The following LTBP1 variants were observed in gnomAD, a reference collection of about 807,000 sequenced individuals.
LTBP1 encodes latent transforming growth factor beta binding protein 1.
Under a neutral mutation model 207.6 loss-of-function variants are expected in LTBP1, and 129 were observed. The observed-to-expected ratio is 0.62, with a 90% CI of 0.54 to 0.72. LTBP1 has a LOEUF of 0.72. Among genes scored for constraint, LTBP1 ranks in the 30% least tolerant of loss-of-function variants. LTBP1 has a pLI of 0.00. For missense variants in LTBP1, 2,281 were observed against 2,217.2 expected, an observed-to-expected ratio of 1.03 and a Z score of -0.58; for synonymous variants, 963 against 833.7, an observed-to-expected ratio of 1.16 and a Z score of -2.67.
At chr2:33,370,090 A>G (rs1232563928) in intron 31 of LTBP1, among the ~76,000 whole-genome samples, 1 of 117,486 alleles carries the variant, frequency 8.5e-6, no homozygotes, top group Non-Finnish European at 1.9e-5. Context: ...TGTGAAAATA[A>G]TATCTGCCTT....
At chr2:33,044,899 T>G (rs961619415) in intron 3 of LTBP1, among the ~76,000 whole-genome samples, 1 of 152,326 alleles carries the variant, frequency 6.6e-6, no homozygotes, top group East Asian at 1.9e-4. Flanking sequence ...GTTGGCCGCA[T>G]GAATGTCTTC....
chr2:33,115,127 TACACAC>T lies in LTBP1; in HGVS notation c.1033+4386_1033+4391del, dbSNP rs59790199. Among the ~76,000 whole-genome samples, 268 of 150,922 alleles carry T rather than the reference TACACAC, an allele frequency of 1.8e-3. 2 individuals are homozygous for T. Among genetic ancestry groups the T allele is most frequent in the Middle Eastern group, 0.01 (3 of 294 alleles). ...ATGTACACACACACACACATATATA[TACACAC>T]ACACACACAATGTAGGAGTATTACT... On this transcript the variant is annotated intron_variant, in intron 4 of 33. Coordinates refer to ENST00000404816, the MANE Select transcript of LTBP1 (RefSeq NM_206943.4).
chr2:33,084,598 A>T (rs1332762960), intron 3 of LTBP1, among the ~76,000 whole-genome samples: 1 of 152,196 alleles, frequency 6.6e-6, no homozygotes. Context: ...TACATCCCTT[A>T]CAGTCCGTCT....
chr2:33,201,237 A>G lies in LTBP1; in HGVS notation c.1701+12386A>G, dbSNP rs1348220792. ...GACTTGGAACCAACCCAAATGGCCAACAATGATAGACTGGATTAAGAAAAT... is the reference window on the plus strand; with the variant it reads ...GACTTGGAACCAACCCAAATGGCCAGCAATGATAGACTGGATTAAGAAAAT... On this transcript the variant is annotated intron_variant, in intron 7 of 33. Transcript: ENST00000404816. 2.6e-5 allele frequency among the ~76,000 whole-genome samples: 4 copies of G among 152,322 alleles called. No individual in the cohort carries two copies. The South Asian group carries it at 8.3e-4, about 32-fold the overall frequency.
At chr2:33,150,984 T>C (rs146766677) in intron 5 of LTBP1, among the ~76,000 whole-genome samples, 2,332 of 151,754 alleles carry the variant, frequency 0.015, 23 homozygotes, top group East Asian at 0.027. Flanking sequence ...AAGTGATCCA[T>C]CTGCCTCAGC....
rs761056477 is a variant in LTBP1, at chr2:33,293,165, G to C, written c.3118G>C (p.Asp1040His). The change falls in exon 20 of 34, where the codon GAC (aspartate) becomes CAC (histidine). Residue 1040 changes from aspartate (D) to histidine (H), a missense_variant. Physicochemically the swap from Asp to His is moderately conservative, Grantham distance 81. Around this residue, in one of 3 missense-constraint regions of LTBP1, gnomAD observed 1,671 missense variants for 1,634.8 expected, o/e 1.02. Transcript: ENST00000404816. Reference sequence around the variant, plus strand: ...ATTACGCAACATTCTTCAAGATGTGGACGAGTGCCTGGAACCAAACGTCTG... The same window carrying C: ...ATTACGCAACATTCTTCAAGATGTGCACGAGTGCCTGGAACCAAACGTCTG... ...RGWNGQCLDV[D>H]ECLEPNVCAN... The C allele has an allele frequency of 1.2e-6, 2 of 1,612,720 alleles. No homozygotes were observed. Among genetic ancestry groups the C allele is most frequent in the Admixed American group, 3.4e-5 (2 of 59,690 alleles).
chr2:33,116,377 A>G (rs1290170760), intron 4 of LTBP1, among the ~76,000 whole-genome samples: 4 of 152,226 alleles, frequency 2.6e-5, no homozygotes, highest in Non-Finnish European at 5.9e-5. Context: ...AAATTCAACA[A>G]GGCAGAAATT....
intron 31 of LTBP1, among the ~76,000 whole-genome samples, chr2:33,369,580 C>T (rs780720889): frequency 6.6e-6 from 1 of 152,012 alleles, no homozygotes; most frequent in Non-Finnish European, 1.5e-5. Flanking sequence ...TATTTTTTGA[C>T]AGAGTCTCGC....
At position 33,291,210 on chromosome 2, in the gene LTBP1, C is replaced by G. The variant is rs149506947; in HGVS notation, c.3113-1950C>G. Among the ~76,000 whole-genome samples, 11 of 152,244 alleles carry G rather than the reference C, an allele frequency of 7.2e-5. No homozygotes were observed. In the East Asian group the frequency reaches 2.1e-3, roughly 29 times the overall value. The stretch of plus-strand genomic sequence containing the variant: ...CTGCTTCATCATTAATCATGAGTAG[C>G]CTAGAAAAATAGAAGTTTTATAAGT... On this transcript the variant is annotated intron_variant, in intron 19 of 33. Coordinates refer to ENST00000404816, the MANE Select transcript of LTBP1 (RefSeq NM_206943.4).
At chr2:33,023,070 C>T (rs1400722527) in intron 3 of LTBP1, among the ~76,000 whole-genome samples, 3 of 152,056 alleles carry the variant, frequency 2.0e-5, no homozygotes, top group African/African-American at 7.2e-5. Flanking sequence ...AACTGTGTGT[C>T]CTTGGAACGG....
At chr2:32,987,045 G>A (rs1270614008) in intron 2 of LTBP1, among the ~76,000 whole-genome samples, 1 of 152,126 alleles carries the variant, frequency 6.6e-6, no homozygotes, top group Non-Finnish European at 1.5e-5. Context: ...TATGGACTGT[G>A]GGTGCATTGT....
chr2:33,277,819 T>TTCTTTC (rs2093473961), intron 18 of LTBP1, among the ~76,000 whole-genome samples: 1 of 86,860 alleles, frequency 1.2e-5, no homozygotes, highest in African/African-American at 5.1e-5. Context: ...CTTTTTTTCT[T>TTCTTTC]TCTTTCTTTC....
At chr2:32,982,757 G>A (rs1315273139) in intron 2 of LTBP1, among the ~76,000 whole-genome samples, 2 of 152,222 alleles carry the variant, frequency 1.3e-5, no homozygotes, top group Non-Finnish European at 2.9e-5. Flanking sequence ...GCTTCCACAT[G>A]ATGTTGAGCC....
chr2:32,977,826 C>G (rs1682060665), intron 2 of LTBP1, among the ~76,000 whole-genome samples: 1 of 152,130 alleles, frequency 6.6e-6, no homozygotes, highest in Non-Finnish European at 1.5e-5. Flanking sequence ...TTGATGGATC[C>G]CGGAGTAGTT....
intron 2 of LTBP1, among the ~76,000 whole-genome samples, chr2:33,004,363 A>G (rs1327921490): frequency 3.3e-5 from 5 of 152,058 alleles, no homozygotes; most frequent in Non-Finnish European, 7.4e-5. Context: ...TGTGGGCTTT[A>G]TGATAAGCTG....
chr2:33,367,293 A>G (rs2095002237), intron 31 of LTBP1, among the ~76,000 whole-genome samples: 1 of 152,220 alleles, frequency 6.6e-6, no homozygotes, highest in Admixed American at 6.5e-5. Context: ...CATCTGTTAT[A>G]TCAAGATACA....
chr2:33,126,931 A>G (rs935893137), intron 4 of LTBP1, among the ~76,000 whole-genome samples: 7 of 152,254 alleles, frequency 4.6e-5, no homozygotes, highest in Non-Finnish European at 7.3e-5. Flanking sequence ...CCAATTTTCT[A>G]TACAACTAAG....
chr2:33,087,461 C>T (rs1186811771), intron 3 of LTBP1, among the ~76,000 whole-genome samples: 2 of 152,136 alleles, frequency 1.3e-5, no homozygotes, highest in Non-Finnish European at 2.9e-5. Flanking sequence ...TCCAAACAGA[C>T]TTAAGTAATA....
chr2:33,277,114 T>C (rs890631239), intron 18 of LTBP1, among the ~76,000 whole-genome samples: 4 of 152,204 alleles, frequency 2.6e-5, no homozygotes, highest in Non-Finnish European at 4.4e-5. Context: ...GTCCCCTGGC[T>C]TCTGCCTGTT....
Sources: gnomAD v4.1 joint callset for allele counts (sites outside exome capture counted in the v4.1 genomes callset) on GRCh38, gnomAD v4.1.1 for gene constraint, gnomAD v4.1.1 regional missense constraint, MANE v1.5 for transcripts, NCBI Gene and HGNC (gene_info 2026-07-23, HGNC 2026-07-21) for gene names.